ATP13A5: variants seen among roughly 807,000 people sequenced by gnomAD.
The protein encoded by ATP13A5 is probable cation-transporting ATPase 13A5.
In ATP13A5, 149 loss-of-function variants were observed where a neutral mutation model predicts 150.2. The observed-to-expected ratio is 0.99, with a 90% CI of 0.87 to 1.14. The LOEUF (loss-of-function observed/expected upper bound fraction) is 1.14. ATP13A5 is among the 50% of genes most tolerant of loss of function. The pLI, the probability that ATP13A5 is intolerant of heterozygous loss-of-function variation, is 0.00. For synonymous variants in ATP13A5, 497 were observed against 522.2 expected, an observed-to-expected ratio of 0.95 and a Z score of 0.66; for missense variants, 1,383 against 1,449.3, an observed-to-expected ratio of 0.95 and a Z score of 0.74.
chr3:193,335,823 A>G (rs189246461), intron 9 of ATP13A5, among the ~76,000 whole-genome samples: 19 of 152,308 alleles, frequency 1.2e-4, no homozygotes, highest in African/African-American at 4.1e-4. Context: ...CTCCAGCTCA[A>G]CTAGGCCACT....
chr3:193,371,294 T>C (rs1240787499), intron 1 of ATP13A5, among the ~76,000 whole-genome samples: 1 of 152,244 alleles, frequency 6.6e-6, no homozygotes, highest in Non-Finnish European at 1.5e-5. Flanking sequence ...ACAGTGTTCT[T>C]TGCAGATGAG....
At chr3:193,338,263 C>T (rs1231832148) in intron 9 of ATP13A5, among the ~76,000 whole-genome samples, 29 of 152,134 alleles carry the variant, frequency 1.9e-4, no homozygotes, top group Non-Finnish European at 4.0e-4. Flanking sequence ...GAACTTCCAA[C>T]ACTATGTTGA....
At chr3:193,279,557 T>C (rs1378323564) in intron 27 of ATP13A5, 103 bp from the exon 28 acceptor site, 1 of 816,824 alleles carries the variant, frequency 1.2e-6, no homozygotes, top group Non-Finnish European at 2.0e-6. Context: ...ATACCAGATA[T>C]ATCTTCAGAT....
intron 1 of ATP13A5, among the ~76,000 whole-genome samples, chr3:193,365,913 T>C (rs1713222773): frequency 6.6e-6 from 1 of 152,106 alleles, no homozygotes; most frequent in Non-Finnish European, 1.5e-5. Flanking sequence ...TGAACTGGAA[T>C]AATTTTTTAG....
intron 17 of ATP13A5, among the ~76,000 whole-genome samples, chr3:193,317,574 C>T (rs1440933413): frequency 3.3e-5 from 5 of 152,158 alleles, no homozygotes; most frequent in African/African-American, 1.2e-4. Flanking sequence ...AACTTTTCTA[C>T]TTCCCCATTA....
chr3:193,357,477 T>C (rs1712837716), intron 5 of ATP13A5, among the ~76,000 whole-genome samples: 1 of 152,192 alleles, frequency 6.6e-6, no homozygotes, highest in Admixed American at 6.5e-5. Flanking sequence ...TTAGAGATCA[T>C]GTACCCATCT....
At chr3:193,344,530 C>T (rs1712251988) in intron 8 of ATP13A5, among the ~76,000 whole-genome samples, 1 of 152,162 alleles carries the variant, frequency 6.6e-6, no homozygotes, top group African/African-American at 2.4e-5. Flanking sequence ...GCCAAGTGTC[C>T]AGACAGCTAT....
intron 12 of ATP13A5, 97 bp downstream of exon 12, chr3:193,331,026 A>G (rs1711607455): frequency 2.3e-6 from 3 of 1,290,332 alleles, no homozygotes; most frequent in East Asian, 4.7e-5. Context: ...TCCTATCTGT[A>G]AAATGGGAAC....
intron 1 of ATP13A5, among the ~76,000 whole-genome samples, chr3:193,368,104 G>A (rs185819639): frequency 3.9e-5 from 6 of 152,172 alleles, no homozygotes; most frequent in African/African-American, 1.2e-4. Flanking sequence ...AAGTATAAGA[G>A]TTAATAAGTG....
intron 1 of ATP13A5, among the ~76,000 whole-genome samples, chr3:193,367,408 A>T (rs1179029956): frequency 6.6e-6 from 1 of 152,102 alleles, no homozygotes; most frequent in Non-Finnish European, 1.5e-5. Context: ...GAAATATTTA[A>T]GATAGAAATG....
At chr3:193,301,071 T>C in intron 24 of ATP13A5, 140 bp downstream of exon 24, 1 of 726,474 alleles carries the variant, frequency 1.4e-6, no homozygotes, top group Admixed American at 2.7e-5. Context: ...TTACACCAGG[T>C]TCCTGAGTTT....
intron 6 of ATP13A5, among the ~76,000 whole-genome samples, chr3:193,353,276 G>A (rs13098790): frequency 0.055 from 8,279 of 149,652 alleles, 288 homozygotes; most frequent in South Asian, 0.13. Flanking sequence ...CAGAGAGAAA[G>A]AGAAAAATTG....
intron 8 of ATP13A5, among the ~76,000 whole-genome samples, chr3:193,344,387 G>A (rs947982498): frequency 2.0e-5 from 3 of 152,164 alleles, no homozygotes; most frequent in Non-Finnish European, 4.4e-5. Context: ...GATTCCTGTG[G>A]TTGGTACACT....
intron 9 of ATP13A5, among the ~76,000 whole-genome samples, chr3:193,341,378 A>G (rs1047203624): frequency 1.3e-5 from 2 of 152,136 alleles, no homozygotes; most frequent in African/African-American, 4.8e-5. Context: ...TCTGCTCACC[A>G]TGCCTTTCCT....
chr3:193,375,866 C>T (rs1713623044), intron 1 of ATP13A5, among the ~76,000 whole-genome samples: 1 of 152,216 alleles, frequency 6.6e-6, no homozygotes, highest in African/African-American at 2.4e-5. Context: ...CCTCCATCCA[C>T]TTAGGCTCTT....
At chr3:193,322,903 C>T (rs1056893865) in intron 14 of ATP13A5, among the ~76,000 whole-genome samples, 9 of 152,190 alleles carry the variant, frequency 5.9e-5, no homozygotes, top group African/African-American at 1.9e-4. Flanking sequence ...TAGTCTCCAA[C>T]ATTGCCGAGC....
intron 9 of ATP13A5, among the ~76,000 whole-genome samples, chr3:193,336,176 T>C (rs538389046): frequency 6.6e-6 from 1 of 152,152 alleles, no homozygotes; most frequent in Non-Finnish European, 1.5e-5. Context: ...CTTTGACATA[T>C]ATAAATTTGT....
intron 23 of ATP13A5, among the ~76,000 whole-genome samples, chr3:193,304,740 T>C (rs576545122): frequency 6.6e-6 from 1 of 152,262 alleles, no homozygotes; most frequent in African/African-American, 2.4e-5. Flanking sequence ...GTTAATGGCT[T>C]CCTGTATTAG....
Position 193,357,161 on chromosome 3 carries a change from C to T in ATP13A5, c.537-2965G>A, listed in dbSNP as rs565441407. Among the ~76,000 whole-genome samples the T allele has an allele frequency of 1.5e-4, 23 of 152,228 alleles. No homozygotes were observed. In the East Asian group the frequency reaches 3.3e-3, roughly 22 times the overall value. Reference sequence around the variant, plus strand: ...CTGTCTAAAAATCTAGCACTAGGGGCGCAGTGTCTGACCTAGAGGATATTC... The same window carrying T: ...CTGTCTAAAAATCTAGCACTAGGGGTGCAGTGTCTGACCTAGAGGATATTC... On this transcript the variant is annotated intron_variant, in intron 5 of 29. Coordinates refer to ENST00000342358, the MANE Select transcript of ATP13A5 (RefSeq NM_198505.4).
Sources: allele counts gnomAD v4.1 joint callset (sites outside exome capture counted in the v4.1 genomes callset), GRCh38; gene constraint gnomAD v4.1.1; transcripts MANE v1.5; gene names NCBI Gene and HGNC (gene_info 2026-07-23, HGNC 2026-07-21).